Variants in FHOD1 observed in about 807,000 individuals in gnomAD.
The protein encoded by FHOD1 is FH1/FH2 domain-containing protein 1.
A neutral mutation model predicts 111.6 loss-of-function variants in FHOD1; 89 were observed. That is an observed-to-expected ratio of 0.80 (90% CI 0.67 to 0.95). FHOD1 has a LOEUF of 0.95. Ranked by LOEUF, FHOD1 falls within the 40% of genes least tolerant of loss-of-function variation. The pLI, the probability that FHOD1 is intolerant of heterozygous loss-of-function variation, is 0.00. For synonymous variants in FHOD1, 618 were observed against 639.0 expected (o/e 0.97, Z 0.50); for missense variants, 1,446 against 1,554.2 (o/e 0.93, Z 1.17).
At position 67,231,314 on chromosome 16, in the gene FHOD1, C is replaced by T. The variant is rs762386055; in HGVS notation, c.2541G>A (p.Val847=). 6.2e-7 allele frequency: 1 copy of T among 1,614,168 alleles called. No homozygotes were observed. The highest frequency in any genetic ancestry group is 8.5e-7 in the Non-Finnish European group (1 of 1,180,018). Residue 847 remains valine (V), a synonymous_variant, in exon 17 of 22, where the codon GTG becomes GTA. Transcript: ENST00000258201. This position sits in a 1 kb window ranked among gnomAD's most constrained non-coding sequence, Gnocchi z 4.3. ...SGFELSYLEK[V]SEVKDTVRRQ... is the part of the protein sequence containing the mutation. ...GACGCACCGTGTCCTTCACCTCTGA[C>T]ACCTTCTCCAGGTAGCTCAGCTCAA...
In FHOD1 at chr16:67,234,364, T is replaced by C; in HGVS notation, c.1428A>G (p.Gly476=). Reference sequence around the variant, plus strand: ...GCTCACCCACCTACTCACCTGGGTGTCCACCCGCCTCATTGGGCATGGCCC... The same window carrying C: ...GCTCACCCACCTACTCACCTGGGTGCCCACCCGCCTCATTGGGCATGGCCC... The part of the protein sequence containing the change: ...LAGAMPNEAG[G]HPDARQLWDS... The change falls in exon 12 of 22, where the codon GGA becomes GGG. Residue 476 remains glycine (G), a synonymous_variant. Coordinates refer to ENST00000258201, the MANE Select transcript of FHOD1 (RefSeq NM_013241.3). The C allele has an allele frequency of 6.2e-7, 1 of 1,608,626 alleles. No individual in the cohort carries two copies. Among genetic ancestry groups the C allele is most frequent in the Middle Eastern group, 1.7e-4 (1 of 6,052 alleles).
At position 67,234,262 on chromosome 16, in the gene FHOD1, G is replaced by C. The variant is rs199614307; in HGVS notation, c.1441C>G (p.Arg481Gly). 2 of 1,564,178 alleles carry C rather than the reference G, an allele frequency of 1.3e-6. No homozygotes were observed. The highest frequency in any genetic ancestry group is 1.7e-6 in the Non-Finnish European group (2 of 1,151,726). ...GTCTCTGGGGAGTCCCAGAGTTGCC[G>C]GGCATCTAAAGAAAGGGAAGGAGCT... ...PNEAGGHPDA[R>G]QLWDSPETAP... Residue 481 changes from arginine (R) to glycine (G), a missense_variant, in exon 13 of 22, where the codon CGG (arginine) becomes GGG (glycine). Arg to Gly is a moderately radical substitution (Grantham distance 125). Transcript: ENST00000258201.
rs539707576 is a variant in FHOD1, at chr16:67,229,817, G to A, written c.3388C>T (p.Arg1130Cys). The A allele has an allele frequency of 3.6e-5, 58 of 1,614,216 alleles. No homozygotes were observed. Among genetic ancestry groups the A allele is most frequent in the African/African-American group, 2.7e-4 (20 of 75,048 alleles). Residue 1130 changes from arginine (R) to cysteine (C), a missense_variant, in exon 21 of 22, where the codon CGT (arginine) becomes TGT (cysteine). By Grantham distance (180) the Arg-to-Cys change is radical. Coordinates refer to ENST00000258201, the MANE Select transcript of FHOD1 (RefSeq NM_013241.3). ...CAAGACTTGCGGTTGCCGCGGGAAC[G>A]CTTGCGTTCCCTAGCAGCTAAGGCA... ...PRALAARERKRSRGNRKSLRR... is the reference protein window; with the variant it reads ...PRALAARERKCSRGNRKSLRR...
chr16:67,229,599 G>A lies in FHOD1; in HGVS notation c.*37C>T. 1 of 1,584,780 alleles carries A rather than the reference G, an allele frequency of 6.3e-7. No homozygotes were observed. ...TCACTCTGTCATCTCCTGCACTGCA[G>A]TCCAGGGTCCAGATAGATTTCCGGG... On this transcript the variant is annotated 3_prime_UTR_variant, in exon 22 of 22. Transcript: ENST00000258201.
In FHOD1 at chr16:67,238,305, C is replaced by T. The variant is rs757330619; in HGVS notation, c.444G>A (p.Glu148=). Residue 148 remains glutamate, a splice_region_variant and synonymous_variant, in exon 5 of 22, where the codon GAG becomes GAA. Coordinates refer to ENST00000258201, the MANE Select transcript of FHOD1 (RefSeq NM_013241.3). This position sits in a 1 kb window ranked among gnomAD's most constrained non-coding sequence, Gnocchi z 4.2. ...SLFSLKQIFQ[E]DKDLVPEFVH... Reference sequence around the variant, plus strand: ...CAAATTCAGGCACCAGGTCTTTGTCCTCCTAGAGGCACCATGGGGGAGTTT... The same window carrying T: ...CAAATTCAGGCACCAGGTCTTTGTCTTCCTAGAGGCACCATGGGGGAGTTT... The T allele has an allele frequency of 5.6e-6, 9 of 1,613,984 alleles. No homozygotes were observed. Among genetic ancestry groups the T allele is most frequent in the Middle Eastern group, 1.6e-4 (1 of 6,084 alleles).
chr16:67,236,663 A>AGGCGGGGCCTGTCAGCAG lies in FHOD1; in HGVS notation c.1195_1212dup (p.Leu399_Ala404dup), dbSNP rs757885578. On this transcript the variant is annotated inframe_insertion, in exon 11 of 22. Coordinates refer to ENST00000258201, the MANE Select transcript of FHOD1 (RefSeq NM_013241.3). ...CCGGAGGGAGGGCCCACAGGGCTGG[A>AGGCGGGGCCTGTCAGCAG]GGCGGGGCCTGTCAGCAGGGCGGGG... is the stretch of plus-strand genomic sequence containing the variant. 1 of 1,608,860 alleles carries AGGCGGGGCCTGTCAGCAG rather than the reference A, an allele frequency of 6.2e-7. No individual in the cohort carries two copies. The highest frequency in any genetic ancestry group is 2.2e-5 in the East Asian group (1 of 44,770).
intron 2 of FHOD1, 83 bp downstream of exon 2, chr16:67,239,265 C>G (rs960796708): frequency 1.0e-5 from 11 of 1,083,138 alleles, no homozygotes; most frequent in African/African-American, 7.7e-5. Context: ...GGCTAGTGAT[C>G]GAGTGTCTCA....
In FHOD1 at chr16:67,231,466, G is replaced by C. The variant is rs1313059037; in HGVS notation, c.2469C>G (p.Thr823=). ...TGAGGAAGTTGCCCACCGCTAGGAG[G>C]GTAGCCAGGATGCAGCGGAAGGTGG... ...QNATFRCILA[T]LLAVGNFLNG... The change falls in exon 16 of 22, where the codon ACC becomes ACG. Residue 823 remains threonine, a synonymous_variant. Transcript: ENST00000258201. The surrounding 1 kb of genome is among the most constrained non-coding windows in gnomAD (Gnocchi z 4.3). The C allele has an allele frequency of 2.5e-6, 4 of 1,614,148 alleles. No individual in the cohort carries two copies. The South Asian group carries it at 4.4e-5, about 18-fold the overall frequency.
Position 67,236,626 on chromosome 16 carries a change from G to T in FHOD1, c.1250C>A (p.Ser417Ter), listed in dbSNP as rs371370894. The change falls in exon 11 of 22, where the codon TCA becomes TAA. Residue 417 changes from serine to a stop codon, truncating the protein, a stop_gained. Transcript: ENST00000258201. LOFTEE classifies it high-confidence loss of function. The stretch of plus-strand genomic sequence containing the variant: ...AGAGATGGTAGGAAAAAGGTTCACT[G>T]AAGCTTGGAGACCGGAGGGAGGGCC... ...PVGPPSGLQA[S>*]VNLFPTISVA... The T allele has an allele frequency of 6.2e-7, 1 of 1,613,608 alleles. No individual in the cohort carries two copies. The highest frequency in any genetic ancestry group is 8.5e-7 in the Non-Finnish European group (1 of 1,179,844).
chr16:67,247,102 G>T, intron 1 of FHOD1, 108 bp downstream of exon 1: 3 of 1,286,020 alleles, frequency 2.3e-6, no homozygotes, highest in South Asian at 3.1e-5. Context: ...AGACTTTTCC[G>T]GAGAAGAACA....
At chr16:67,245,879 A>G (rs1267829985) in intron 1 of FHOD1, among the ~76,000 whole-genome samples, 1 of 152,170 alleles carries the variant, frequency 6.6e-6, no homozygotes, top group African/African-American at 2.4e-5. Context: ...GGAAGCGGGA[A>G]CCAGTCTTAG....
chr16:67,230,498 G>A lies in FHOD1; in HGVS notation c.2867C>T (p.Ala956Val). 3.7e-6 allele frequency: 6 copies of A among 1,614,222 alleles called. No individual in the cohort carries two copies. Among genetic ancestry groups the A allele is most frequent in the Non-Finnish European group, 5.1e-6 (6 of 1,180,024 alleles). ...GGTGTAGCCCAGGTAGAGCAGGAAG[G>A]CATGGAACCTAGGCAGGTCAGAGTA... ...VHRRVCNRFH[A>V]FLLYLGYTPQ... is the part of the protein sequence containing the mutation. Residue 956 changes from alanine to valine, a missense_variant, in exon 19 of 22, where the codon GCC (alanine) becomes GTC (valine). Ala to Val is a moderately conservative substitution (Grantham distance 64). Coordinates refer to ENST00000258201, the MANE Select transcript of FHOD1 (RefSeq NM_013241.3).
chr16:67,242,808 T>G (rs976025809), intron 1 of FHOD1, among the ~76,000 whole-genome samples: 3 of 152,148 alleles, frequency 2.0e-5, no homozygotes, highest in African/African-American at 7.2e-5. Context: ...CAAAACCAAC[T>G]GGTTATGTAT....
chr16:67,236,731 G>A lies in FHOD1; in HGVS notation c.1145C>T (p.Pro382Leu). The change falls in exon 11 of 22, where the codon CCC becomes CTC. Residue 382 changes from proline (P) to leucine (L), a missense_variant and splice_region_variant. Coordinates refer to ENST00000258201, the MANE Select transcript of FHOD1 (RefSeq NM_013241.3). The part of the protein sequence containing the change: ...GCPARAPEPG[P>L]TGPASPVGPT... ...GCCTACCGGTGAGGCGGGGCCTGTG[G>A]GGCTGAAAGCAGGGGCTGTCAGTGG... The A allele has an allele frequency of 6.5e-7, 1 of 1,544,960 alleles. No homozygotes were observed. The highest frequency in any genetic ancestry group is 8.7e-7 in the Non-Finnish European group (1 of 1,144,788).
In FHOD1 at chr16:67,234,467, C is replaced by T. The variant is rs779755764; in HGVS notation, c.1325G>A (p.Arg442Gln). Residue 442 changes from arginine (R) to glutamine (Q), a missense_variant, in exon 12 of 22, where the codon CGG becomes CAG. Coordinates refer to ENST00000258201, the MANE Select transcript of FHOD1 (RefSeq NM_013241.3). ...TGCTGCCGCCACATTCTCCAGGAAC[C>T]GGGCTCTGAGGGAAGGTGCTTGTCA... ...TSSERSIYKA[R>Q]FLENVAAAET... The T allele has an allele frequency of 4.2e-5, 67 of 1,586,292 alleles. No homozygotes were observed. Among genetic ancestry groups the T allele is most frequent in the Non-Finnish European group, 5.0e-5 (59 of 1,168,750 alleles).
Position 67,234,265 on chromosome 16 carries a change from C to T in FHOD1, c.1438G>A (p.Ala480Thr). 6.4e-7 allele frequency: 1 copy of T among 1,566,946 alleles called. No homozygotes were observed. The highest frequency in any genetic ancestry group is 8.7e-7 in the Non-Finnish European group (1 of 1,153,064). ...TCTGGGGAGTCCCAGAGTTGCCGGG[C>T]ATCTAAAGAAAGGGAAGGAGCTGTC... is the stretch of plus-strand genomic sequence containing the variant. The part of the protein sequence containing the change: ...MPNEAGGHPD[A>T]RQLWDSPETA... Residue 480 changes from alanine to threonine, a missense_variant and splice_region_variant, in exon 13 of 22, where the codon GCC (alanine) becomes ACC (threonine). Ala to Thr is a moderately conservative substitution (Grantham distance 58). Coordinates refer to ENST00000258201, the MANE Select transcript of FHOD1 (RefSeq NM_013241.3).
intron 1 of FHOD1, among the ~76,000 whole-genome samples, chr16:67,242,074 T>G (rs1158597533): frequency 6.6e-6 from 1 of 152,120 alleles, no homozygotes; most frequent in African/African-American, 2.4e-5. Flanking sequence ...GTTCAAGCAA[T>G]TCTCCTACCT....
At chr16:67,236,218 T>A (rs923519486) in intron 11 of FHOD1, 1 of 399,412 alleles carries the variant, frequency 2.5e-6, no homozygotes, top group Non-Finnish European at 3.4e-6. Flanking sequence ...AAACTGGAAG[T>A]GGAGGGGAGA....
intron 11 of FHOD1, among the ~76,000 whole-genome samples, chr16:67,235,690 CCACACCA>C (rs1164051038): frequency 6.6e-6 from 1 of 152,140 alleles, no homozygotes; most frequent in Non-Finnish European, 1.5e-5. Flanking sequence ...CCCTCCACCC[CCACACCA>C]CACACCACAC....
Sources: gnomAD v4.1 joint callset for allele counts (sites outside exome capture counted in the v4.1 genomes callset) on GRCh38, gnomAD v4.1.1 for gene constraint, Gnocchi (gnomAD v3.1) non-coding constraint, MANE v1.5 for transcripts, NCBI Gene and HGNC (gene_info 2026-07-23, HGNC 2026-07-21) for gene names.